TXNDC8: variants seen among roughly 807,000 people sequenced by gnomAD.
TXNDC8 encodes thioredoxin domain containing 8, also known as thioredoxin domain-containing protein 8.
A neutral mutation model predicts 12.9 loss-of-function variants in TXNDC8; 15 were observed. The observed-to-expected ratio is 1.16, with a 90% CI of 0.78 to 1.79. The LOEUF (loss-of-function observed/expected upper bound fraction) is 1.79, where lower values mean the gene tolerates loss of function less well. Among genes scored for constraint, TXNDC8 ranks in the 40% most tolerant of loss-of-function variants. The pLI is 0.00. For missense variants in TXNDC8, 128 were observed against 113.2 expected, an observed-to-expected ratio of 1.13 and a Z score of -0.59; for synonymous variants, 40 against 35.4, an observed-to-expected ratio of 1.13 and a Z score of -0.46.
chr9:110,308,246 G>T (rs1775061670), intron 3 of TXNDC8, among the ~76,000 whole-genome samples: 1 of 152,188 alleles, frequency 6.6e-6, no homozygotes, highest in Non-Finnish European at 1.5e-5. Flanking sequence ...CAACAAGGAA[G>T]GCAAGATTTC....
rs1838579189 is a variant in TXNDC8 at position 110,309,410 on chromosome 9, A to G, written c.196-4878T>C. Among the ~76,000 whole-genome samples the G allele has an allele frequency of 1.3e-5, 2 of 152,120 alleles. 1 individual carries two copies. The highest frequency in any genetic ancestry group is 6.3e-3 in the Middle Eastern group (2 of 316). On this transcript the variant is annotated intron_variant, in intron 3 of 4. Coordinates refer to ENST00000423740, the MANE Select transcript of TXNDC8 (RefSeq NM_001286946.2). ...GAGTGCAGTGGCACCATCTCAGCTC[A>G]CTGCAACCTCTGCCTCCCATGTTCA...
rs1839207112 is a variant in TXNDC8 at position 110,323,900 on chromosome 9, G to A, written c.195+2275C>T. 4 of 1,550,958 alleles carry A rather than the reference G, an allele frequency of 2.6e-6. No homozygotes were observed. In the East Asian group the frequency reaches 7.3e-5, roughly 28 times the overall value. ...TACCTAGCTGCTTAAGCAAAGTCCTGAAATTAGCTCTGGTTTGACTTGGAT... is the reference window on the plus strand; with the variant it reads ...TACCTAGCTGCTTAAGCAAAGTCCTAAAATTAGCTCTGGTTTGACTTGGAT... On this transcript the variant is annotated intron_variant, in intron 3 of 4. Transcript: ENST00000423740.
intron 4 of TXNDC8, chr9:110,303,847 C>T (rs1343765548): frequency 1.4e-5 from 10 of 691,500 alleles, no homozygotes; most frequent in East Asian, 2.9e-5. Context: ...AGATCTAAAA[C>T]GTATAATAAT....
chr9:110,315,415 A>G (rs952439222), intron 3 of TXNDC8, among the ~76,000 whole-genome samples: 5 of 151,770 alleles, frequency 3.3e-5, no homozygotes, highest in African/African-American at 1.2e-4. Flanking sequence ...ATTTTTTTTA[A>G]TGCCAAAGAC....
intron 2 of TXNDC8, among the ~76,000 whole-genome samples, chr9:110,330,548 C>A (rs929293082): frequency 2.6e-5 from 4 of 152,220 alleles, no homozygotes. Flanking sequence ...CCGATCACAT[C>A]ATACAATTTC....
In TXNDC8 at chr9:110,337,418, A is replaced by G. The variant is rs567225811; in HGVS notation, c.24+355T>C. On this transcript the variant is annotated intron_variant, in intron 1 of 4. Transcript: ENST00000423740. ...TATTATTTTTCCTTGGATAAGAGAA[A>G]AGATGTGGACTTCCTTACTTCCATG... Among the ~76,000 whole-genome samples, 3 of 152,344 alleles carry G rather than the reference A, an allele frequency of 2.0e-5. No individual in the cohort carries two copies. The South Asian group carries it at 6.2e-4, about 32-fold the overall frequency.
Position 110,329,216 on chromosome 9 carries a change from G to T in TXNDC8, c.130-2976C>A. 1.2e-6 allele frequency: 2 copies of T among 1,609,600 alleles called. No individual in the cohort carries two copies. The highest frequency in any genetic ancestry group is 1.7e-6 in the Non-Finnish European group (2 of 1,177,168). ...TTGGATTTTGAGTATGTGCACAGAA[G>T]ATTTAAGATTCTTACCGGAGAATTG... On this transcript the variant is annotated intron_variant, in intron 2 of 4. Transcript: ENST00000423740.
intron 3 of TXNDC8, chr9:110,323,299 A>T: frequency 6.1e-6 from 6 of 985,480 alleles, no homozygotes; most frequent in Non-Finnish European, 7.2e-6. Context: ...GATATATTTG[A>T]CTATAACAGG....
intron 3 of TXNDC8, among the ~76,000 whole-genome samples, chr9:110,318,958 G>A (rs1838988336): frequency 6.6e-6 from 1 of 152,184 alleles, no homozygotes; most frequent in African/African-American, 2.4e-5. Context: ...ACACATGTGA[G>A]CCTTTGAACT....
intron 3 of TXNDC8, among the ~76,000 whole-genome samples, chr9:110,314,698 C>G (rs1036314896): frequency 6.6e-6 from 1 of 152,158 alleles, no homozygotes; most frequent in African/African-American, 2.4e-5. Flanking sequence ...TCCCAAAGTG[C>G]TGGGATTACA....
At chr9:110,303,189 A>C (rs978287876), downstream of TXNDC8, among the ~76,000 whole-genome samples, 10 of 152,208 alleles carry the variant, frequency 6.6e-5, no homozygotes, top group Non-Finnish European at 1.2e-4. Context: ...ACCACTGGGA[A>C]GAATTGGATC....
At chr9:110,336,712 G>A (rs997040118) in intron 1 of TXNDC8, among the ~76,000 whole-genome samples, 2 of 152,026 alleles carry the variant, frequency 1.3e-5, no homozygotes, top group East Asian at 3.9e-4. Context: ...CTTACTATAA[G>A]GTCAATAGGT....
chr9:110,303,183 CT>C (rs1838307111), downstream of TXNDC8, among the ~76,000 whole-genome samples: 1 of 152,142 alleles, frequency 6.6e-6, no homozygotes, highest in African/African-American at 2.4e-5. Flanking sequence ...TCCTTGACCA[CT>C]GGGAAGAATT....
chr9:110,304,085 A>G (rs1320894737), intron 4 of TXNDC8, among the ~76,000 whole-genome samples: 1 of 152,344 alleles, frequency 6.6e-6, no homozygotes, highest in Admixed American at 6.5e-5. Context: ...AGTGGATGGT[A>G]TGTTATATTT....
At chr9:110,320,879 G>A (rs1422601762) in intron 3 of TXNDC8, among the ~76,000 whole-genome samples, 1 of 152,210 alleles carries the variant, frequency 6.6e-6, no homozygotes, top group Non-Finnish European at 1.5e-5. Context: ...ACACTAAGGA[G>A]TACAGCAGGA....
At chr9:110,315,399 G>A (rs761296074) in intron 3 of TXNDC8, among the ~76,000 whole-genome samples, 23 of 151,810 alleles carry the variant, frequency 1.5e-4, no homozygotes, top group Non-Finnish European at 2.6e-4. Context: ...CACCCAGCCC[G>A]GGGCAATTTT....
chr9:110,307,747 T>C (rs2118709250), intron 3 of TXNDC8, among the ~76,000 whole-genome samples: 1 of 152,278 alleles, frequency 6.6e-6, no homozygotes, highest in South Asian at 2.1e-4. Context: ...AATGTAACCA[T>C]TTGTCTTTTA....
At chr9:110,310,698 G>A (rs1462160240) in intron 3 of TXNDC8, among the ~76,000 whole-genome samples, 1 of 152,126 alleles carries the variant, frequency 6.6e-6, no homozygotes, top group Non-Finnish European at 1.5e-5. Flanking sequence ...TAATAAACAA[G>A]CTAGCTTTAA....
chr9:110,305,253 CTG>C (rs1226252322), intron 3 of TXNDC8, among the ~76,000 whole-genome samples: 4 of 150,600 alleles, frequency 2.7e-5, no homozygotes, highest in Non-Finnish European at 3.0e-5. Context: ...ATGTATTCTT[CTG>C]TGTCTGGCAT....
Sources: gnomAD v4.1 joint callset for allele counts (sites outside exome capture counted in the v4.1 genomes callset) on GRCh38, gnomAD v4.1.1 for gene constraint, MANE v1.5 for transcripts, NCBI Gene and HGNC (gene_info 2026-07-23, HGNC 2026-07-21) for gene names.